The following COL9A1 variants were observed in gnomAD, a reference collection of about 807,000 sequenced individuals.
COL9A1 encodes the protein collagen type IX alpha 1 chain.
In COL9A1, 104 loss-of-function variants were observed where a neutral mutation model predicts 142.6. The observed-to-expected ratio is 0.73, with a 90% CI of 0.62 to 0.86. The LOEUF is 0.86. Among genes scored for constraint, COL9A1 ranks in the 40% least tolerant of loss-of-function variants. The pLI is 0.00. For synonymous variants in COL9A1, 466 were observed against 396.0 expected, an observed-to-expected ratio of 1.18 and a Z score of -2.10; for missense variants, 1,210 against 1,176.6, an observed-to-expected ratio of 1.03 and a Z score of -0.42.
intron 24 of COL9A1, 151 bp downstream of exon 24, chr6:70,254,812 A>G (rs1162381712): frequency 3.8e-6 from 3 of 786,948 alleles, no homozygotes; most frequent in African/African-American, 1.7e-5. Context: ...TAAGTATTTC[A>G]TATTTGACAC....
At chr6:70,295,158 G>A (rs908715727) in intron 4 of COL9A1, among the ~76,000 whole-genome samples, 22 of 152,100 alleles carry the variant, frequency 1.4e-4, no homozygotes, top group African/African-American at 5.3e-4. Context: ...TCTTCACACT[G>A]AGGATGTTTG....
chr6:70,270,513 G>A (rs1215329873), intron 14 of COL9A1, 146 bp from the exon 15 acceptor site: 3 of 555,392 alleles, frequency 5.4e-6, no homozygotes, highest in Non-Finnish European at 9.2e-6. Context: ...TCGATGGGTG[G>A]CCCGTAATCC....
chr6:70,280,811 C>T lies in COL9A1; in HGVS notation c.975+1G>A, dbSNP rs1356359773. On this transcript the variant is annotated splice_donor_variant, in intron 10 of 37. Coordinates refer to ENST00000357250, the MANE Select transcript of COL9A1 (RefSeq NM_001851.6). LOFTEE classifies it high-confidence loss of function. ...CGCCCTCCCAGCACTCGCCTACTCA[C>T]ATCAGCGCCAGGTGTGCCAGGCTTG... 2 of 1,612,296 alleles carry T rather than the reference C, an allele frequency of 1.2e-6. No individual in the cohort carries two copies. Among genetic ancestry groups the T allele is most frequent in the South Asian group, 2.2e-5 (2 of 90,728 alleles).
intron 10 of COL9A1, chr6:70,280,552 G>T (rs1421523604): frequency 2.2e-6 from 3 of 1,394,692 alleles, no homozygotes; most frequent in African/African-American, 2.9e-5. Flanking sequence ...GTTAGAGACA[G>T]GAAGCCAGTA....
intron 29 of COL9A1, 77 bp from the exon 30 acceptor site, chr6:70,242,112 G>C (rs1770296076): frequency 7.9e-7 from 1 of 1,265,012 alleles, no homozygotes; most frequent in Non-Finnish European, 1.1e-6. Flanking sequence ...ACAACCTTGG[G>C]TGTGTTGACT....
chr6:70,216,822 C>G lies in COL9A1; in HGVS notation c.*75G>C. The stretch of plus-strand genomic sequence containing the variant: ...CTGAAGGTAATCATCTTTGCCCCAG[C>G]TTTGGATGGTGTTTCTCACCCAGGC... On this transcript the variant is annotated 3_prime_UTR_variant, in exon 38 of 38. Transcript: ENST00000357250. 1 of 1,505,870 alleles carries G rather than the reference C, an allele frequency of 6.6e-7. No individual in the cohort carries two copies. The highest frequency in any genetic ancestry group is 1.1e-5 in the South Asian group (1 of 87,438). 93.3% of individuals were successfully genotyped at this position (1,505,870 alleles called of 1,614,324 possible). A position where few individuals can be genotyped will look rare whatever the true frequency, so the allele number is the denominator to read the frequency against.
chr6:70,274,233 T>A, intron 11 of COL9A1, 151 bp from the exon 12 acceptor site: 1 of 524,266 alleles, frequency 1.9e-6, no homozygotes, highest in Non-Finnish European at 3.4e-6. Flanking sequence ...CAGGGGTACA[T>A]GTGCAGGATG....
intron 2 of COL9A1, 124 bp from the exon 3 acceptor site, chr6:70,300,510 CA>C (rs201605016): frequency 1.5e-4 from 59 of 380,700 alleles, no homozygotes; most frequent in Non-Finnish European, 1.8e-4. Context: ...CAATTGACCA[CA>C]AAAAAAAGAT....
Position 70,267,327 on chromosome 6 carries a change from G to GTTTTTTTTTGTT in COL9A1, c.1288-558_1288-557insAACAAAAAAAAA, listed in dbSNP as rs1554241919. On this transcript the variant is annotated intron_variant, in intron 17 of 37. Transcript: ENST00000357250. ...TTGTTGTTGTTTGTTTGGTTTTTTT[G>GTTTTTTTTTGTT]TTTTTTTTTTTTGAGATGGAGCTTC... Among the ~76,000 whole-genome samples, 470 of 127,052 alleles carry GTTTTTTTTTGTT rather than the reference G, an allele frequency of 3.7e-3. 13 individuals carry two copies. Among genetic ancestry groups the GTTTTTTTTTGTT allele is most frequent in the African/African-American group, 0.013 (427 of 33,658 alleles). The allele number at this position is 127,052 out of a possible 152,430, so 83.4% of individuals were successfully genotyped here. A position where few individuals can be genotyped will look rare whatever the true frequency, so the allele number is the denominator to read the frequency against.
intron 17 of COL9A1, among the ~76,000 whole-genome samples, chr6:70,267,344 T>C (rs1157519083): frequency 1.3e-5 from 2 of 150,936 alleles, no homozygotes; most frequent in Non-Finnish European, 3.0e-5. Context: ...TTTTTTGAGA[T>C]GGAGCTTCGC....
At position 70,252,341 on chromosome 6, in the gene COL9A1, A is replaced by G. The variant is rs519068; in HGVS notation, c.1765-26T>C. On this transcript the variant is annotated intron_variant, in intron 26 of 37. Transcript: ENST00000357250. The stretch of plus-strand genomic sequence containing the variant: ...CTAAGGGTAAAATGCAACATCCAAA[A>G]TAACTCATGCTGAAGTAAGCATAAT... 0.48 allele frequency: 768,441 copies of G among 1,606,610 alleles called. 186,885 individuals are homozygous for G. The highest frequency in any genetic ancestry group is 0.52 in the African/African-American group (38,732 of 74,774).
chr6:70,230,239 G>A (rs1163551371), intron 36 of COL9A1, among the ~76,000 whole-genome samples: 1 of 152,120 alleles, frequency 6.6e-6, no homozygotes, highest in African/African-American at 2.4e-5. Flanking sequence ...AATGTATGTG[G>A]TGGGACAAGA....
At chr6:70,259,403 T>C (rs1359095151) in intron 20 of COL9A1, among the ~76,000 whole-genome samples, 1 of 152,120 alleles carries the variant, frequency 6.6e-6, no homozygotes, top group Non-Finnish European at 1.5e-5. Context: ...AGCCTATAAA[T>C]TAACTTTCCT....
Position 70,294,240 on chromosome 6 carries a change from G to A in COL9A1, c.623C>T (p.Pro208Leu). 6.2e-7 allele frequency: 1 copy of A among 1,614,044 alleles called. No homozygotes were observed. The highest frequency in any genetic ancestry group is 8.5e-7 in the Non-Finnish European group (1 of 1,179,956). ...GCCATCAATGTCAATTGGGCCTCTTGGCTTTATAGGTAAAGATTCAATCCT... is the reference window on the plus strand; with the variant it reads ...GCCATCAATGTCAATTGGGCCTCTTAGCTTTATAGGTAAAGATTCAATCCT... ...CNRIESLPIK[P>L]RGPIDIDGFA... The change falls in exon 5 of 38, where the codon CCA becomes CTA. Residue 208 changes from proline (P) to leucine (L), a missense_variant. Physicochemically the swap from Pro to Leu is moderately conservative, Grantham distance 98 (BLOSUM62 -3). Coordinates refer to ENST00000357250, the MANE Select transcript of COL9A1 (RefSeq NM_001851.6).
intron 6 of COL9A1, chr6:70,283,188 G>C: frequency 6.7e-7 from 1 of 1,484,876 alleles, no homozygotes; most frequent in Non-Finnish European, 8.9e-7. Context: ...TTGCCAAAGC[G>C]TCCAGGCCCG....
chr6:70,254,930 C>G (rs200895898), intron 24 of COL9A1, 33 bp downstream of exon 24: 6 of 1,602,616 alleles, frequency 3.7e-6, no homozygotes, highest in Non-Finnish European at 5.1e-6. Context: ...AGAGACAGCC[C>G]CACTCACTCT....
At chr6:70,279,943 C>T (rs1773031953) in intron 10 of COL9A1, 3 of 636,280 alleles carry the variant, frequency 4.7e-6, no homozygotes, top group Non-Finnish European at 8.8e-6. Flanking sequence ...AGTGATGCAC[C>T]ATGGTATGCT....
intron 9 of COL9A1, 58 bp downstream of exon 9, chr6:70,280,946 G>A (rs572735477): frequency 6.2e-7 from 1 of 1,612,488 alleles, no homozygotes; most frequent in Non-Finnish European, 8.5e-7. Flanking sequence ...AGAAACAGGG[G>A]GCTGCAAAAC....
intron 37 of COL9A1, among the ~76,000 whole-genome samples, chr6:70,222,596 G>A (rs1768948518): frequency 6.6e-6 from 1 of 152,176 alleles, no homozygotes; most frequent in Non-Finnish European, 1.5e-5. Context: ...AACAAACAGA[G>A]ATACAGCATT....
Sources: gnomAD v4.1 joint callset for allele counts (sites outside exome capture counted in the v4.1 genomes callset) on GRCh38, gnomAD v4.1.1 for gene constraint, MANE v1.5 for transcripts, NCBI Gene and HGNC (gene_info 2026-07-23, HGNC 2026-07-21) for gene names.